Variants in ASTN2 observed in about 807,000 individuals in gnomAD.
ASTN2 encodes astrotactin-2.
In ASTN2, 54 loss-of-function variants were observed where a neutral mutation model predicts 139.8. That is an observed-to-expected ratio of 0.39 (90% CI 0.31 to 0.48). The LOEUF (loss-of-function observed/expected upper bound fraction) is 0.48. Ranked by LOEUF, ASTN2 falls within the 20% of genes least tolerant of loss-of-function variation. The pLI, the probability that ASTN2 is intolerant of heterozygous loss-of-function variation, is 0.95. For synonymous variants in ASTN2, 756 were observed against 719.5 expected (o/e 1.05, Z -0.81); for missense variants, 1,565 against 1,725.1 (o/e 0.91, Z 1.64).
intron 3 of ASTN2, among the ~76,000 whole-genome samples, chr9:117,147,076 G>C (rs146658806): frequency 6.6e-6 from 1 of 152,030 alleles, no homozygotes; most frequent in African/African-American, 2.4e-5. Flanking sequence ...GGGATAAAAG[G>C]GGGTGGACCC....
chr9:117,050,820 C>T (rs1838893834), intron 5 of ASTN2, among the ~76,000 whole-genome samples: 1 of 152,134 alleles, frequency 6.6e-6, no homozygotes, highest in African/African-American at 2.4e-5. Flanking sequence ...GTGTCATATT[C>T]CTAAGAAACA....
intron 10 of ASTN2, among the ~76,000 whole-genome samples, chr9:116,900,218 A>T (rs919451980): frequency 1.3e-5 from 2 of 152,218 alleles, no homozygotes; most frequent in Non-Finnish European, 2.9e-5. Context: ...TTGGGCAATG[A>T]CAATCATGAT....
intron 16 of ASTN2, chr9:116,700,231 C>T (rs1168619871): frequency 5.5e-6 from 1 of 180,818 alleles, no homozygotes; most frequent in Non-Finnish European, 1.3e-5. Context: ...TCAGTCTGAT[C>T]GTCTTTACCA....
At chr9:116,848,248 T>C (rs1490247867) in intron 11 of ASTN2, among the ~76,000 whole-genome samples, 2 of 152,204 alleles carry the variant, frequency 1.3e-5, no homozygotes, top group Non-Finnish European at 2.9e-5. Flanking sequence ...CCATAGATGC[T>C]TGGATGTCTT....
At chr9:116,981,529 G>A (rs540903398) in intron 7 of ASTN2, among the ~76,000 whole-genome samples, 1 of 152,302 alleles carries the variant, frequency 6.6e-6, no homozygotes, top group African/African-American at 2.4e-5. Context: ...TTCAGAAGAG[G>A]AAACTCAAGC....
At chr9:116,895,318 T>C (rs1302892776) in intron 10 of ASTN2, among the ~76,000 whole-genome samples, 1 of 152,256 alleles carries the variant, frequency 6.6e-6, no homozygotes, top group Non-Finnish European at 1.5e-5. Context: ...AGGATATTTC[T>C]TTATGTCTAT....
chr9:117,301,342 C>A (rs1386110067), intron 1 of ASTN2, among the ~76,000 whole-genome samples: 1 of 152,160 alleles, frequency 6.6e-6, no homozygotes, highest in Non-Finnish European at 1.5e-5. Flanking sequence ...CAAACTGATG[C>A]AGAGAGTGGG....
At chr9:117,344,687 C>T (rs1484132849) in intron 1 of ASTN2, among the ~76,000 whole-genome samples, 1 of 152,216 alleles carries the variant, frequency 6.6e-6, no homozygotes, top group East Asian at 1.9e-4. Context: ...ATTTTGTTTT[C>T]ATTTCTTCAT....
intron 7 of ASTN2, among the ~76,000 whole-genome samples, chr9:116,978,960 C>G (rs950134790): frequency 2.0e-5 from 3 of 152,166 alleles, no homozygotes; most frequent in Non-Finnish European, 4.4e-5. Flanking sequence ...TAGGGTAACA[C>G]GGGTTCTACA....
chr9:117,231,549 T>C (rs752632027), intron 2 of ASTN2, among the ~76,000 whole-genome samples: 1 of 152,190 alleles, frequency 6.6e-6, no homozygotes, highest in African/African-American at 2.4e-5. Flanking sequence ...TTGGTTTGAA[T>C]TGATTTAAAA....
At chr9:117,375,602 G>A (rs1277082354) in intron 1 of ASTN2, among the ~76,000 whole-genome samples, 2 of 152,158 alleles carry the variant, frequency 1.3e-5, no homozygotes, top group African/African-American at 4.8e-5. Context: ...GTTCAAGAAG[G>A]AAAAAGTGAA....
chr9:116,596,536 T>C (rs1459578952), intron 19 of ASTN2, among the ~76,000 whole-genome samples: 1 of 152,178 alleles, frequency 6.6e-6, no homozygotes, highest in Non-Finnish European at 1.5e-5. Context: ...GGTGATGACA[T>C]CATGGATACA....
rs762973564 is a variant in ASTN2 at position 116,425,911 on chromosome 9, C to T, written c.3960G>A (p.Thr1320=). The change falls in exon 23 of 23, where the codon ACG becomes ACA. Residue 1320 remains threonine, a synonymous_variant. Transcript: ENST00000313400. ...WYSILKDTKI[T]CEEKMVSMAR... is the part of the protein sequence containing the mutation. ...CCATTGACACCATCTTCTCCTCACA[C>T]GTGATTTTGGTGTCCTTGAGGATGC... is the stretch of plus-strand genomic sequence containing the variant. 1.4e-5 allele frequency: 22 copies of T among 1,614,166 alleles called. No individual in the cohort carries two copies. The highest frequency in any genetic ancestry group is 3.3e-5 in the South Asian group (3 of 91,074).
intron 6 of ASTN2, among the ~76,000 whole-genome samples, chr9:117,030,540 CAG>C (rs1319404745): frequency 1.1e-4 from 16 of 152,098 alleles, no homozygotes; most frequent in South Asian, 2.1e-4. Context: ...CATCTTAGCA[CAG>C]AGTGTCATTA....
chr9:117,179,029 C>T (rs1830988924), intron 3 of ASTN2, among the ~76,000 whole-genome samples: 1 of 152,164 alleles, frequency 6.6e-6, no homozygotes, highest in Admixed American at 6.5e-5. Context: ...AGAGTAGTAA[C>T]AGAGATAACG....
At chr9:116,438,719 C>T (rs752643840) in intron 22 of ASTN2, among the ~76,000 whole-genome samples, 2 of 152,092 alleles carry the variant, frequency 1.3e-5, no homozygotes, top group Non-Finnish European at 2.9e-5. Flanking sequence ...CTGAGATGGG[C>T]GGATTACTTG....
intron 20 of ASTN2, among the ~76,000 whole-genome samples, chr9:116,465,459 G>A (rs1809189676): frequency 6.6e-6 from 1 of 152,178 alleles, no homozygotes; most frequent in African/African-American, 2.4e-5. Context: ...GTAAGCACAA[G>A]ATTAGAAGAA....
chr9:116,471,545 T>C (rs1033999905), intron 20 of ASTN2, among the ~76,000 whole-genome samples: 4 of 151,992 alleles, frequency 2.6e-5, no homozygotes, highest in African/African-American at 9.7e-5. Context: ...CGAAGAATGT[T>C]ATTTCATTTC....
chr9:117,038,893 C>T (rs1175361057), intron 6 of ASTN2, among the ~76,000 whole-genome samples: 2 of 152,136 alleles, frequency 1.3e-5, no homozygotes, highest in African/African-American at 4.8e-5. Flanking sequence ...AACAGTGTCT[C>T]ATTAATTCAA....
Sources: allele counts gnomAD v4.1 joint callset (sites outside exome capture counted in the v4.1 genomes callset), GRCh38; gene constraint gnomAD v4.1.1; transcripts MANE v1.5; gene names NCBI Gene and HGNC (gene_info 2026-07-23, HGNC 2026-07-21).